The following CDKAL1 variants were observed in gnomAD, a reference collection of about 807,000 sequenced individuals.
CDKAL1 encodes CDKAL1 threonylcarbamoyladenosine tRNA methylthiotransferase.
A neutral mutation model predicts 68.2 loss-of-function variants in CDKAL1; 32 were observed. That is an observed-to-expected ratio of 0.47 (90% confidence interval 0.35 to 0.63). The LOEUF (loss-of-function observed/expected upper bound fraction) is 0.63. CDKAL1 is among the 30% of genes least tolerant of loss of function. The probability of loss-of-function intolerance (pLI) is 0.00; values close to 1 mark genes in which losing one functional copy is unlikely to be tolerated. For synonymous variants in CDKAL1, 234 were observed against 244.3 expected (o/e 0.96, Z 0.39); for missense variants, 606 against 696.7 (o/e 0.87, Z 1.47).
chr6:20,686,235 C>T (rs1288117153), intron 5 of CDKAL1, among the ~76,000 whole-genome samples: 4 of 152,132 alleles, frequency 2.6e-5, no homozygotes, highest in African/African-American at 4.8e-5. Context: ...TCCCCAACCC[C>T]TGGGCCATGA....
At chr6:20,789,932 AATGAATGTTG>A (rs1263510417) in intron 8 of CDKAL1, among the ~76,000 whole-genome samples, 1 of 152,186 alleles carries the variant, frequency 6.6e-6, no homozygotes, top group Non-Finnish European at 1.5e-5. Context: ...GAGCCCTGCA[AATGAATGTTG>A]ATTTGTTTTT....
chr6:21,045,537 G>A (rs114195129), intron 11 of CDKAL1, among the ~76,000 whole-genome samples: 1 of 152,158 alleles, frequency 6.6e-6, no homozygotes, highest in African/African-American at 2.4e-5. Context: ...GAAAATGTGC[G>A]TGATGAAATC....
intron 9 of CDKAL1, among the ~76,000 whole-genome samples, chr6:20,910,325 G>A (rs750817715): frequency 3.9e-5 from 6 of 152,212 alleles, no homozygotes; most frequent in Non-Finnish European, 7.3e-5. Flanking sequence ...AGAGCTCAGC[G>A]TGGCAATGCA....
At chr6:20,739,973 C>T (rs1773375058) in intron 6 of CDKAL1, among the ~76,000 whole-genome samples, 1 of 152,164 alleles carries the variant, frequency 6.6e-6, no homozygotes, top group Non-Finnish European at 1.5e-5. Context: ...TACATCAATG[C>T]CTTTTTTCAA....
At chr6:20,798,383 T>C (rs1389235190) in intron 8 of CDKAL1, among the ~76,000 whole-genome samples, 3 of 152,128 alleles carry the variant, frequency 2.0e-5, no homozygotes, top group African/African-American at 7.2e-5. Context: ...AAAATTATTC[T>C]GTGAAGAAAA....
intron 13 of CDKAL1, among the ~76,000 whole-genome samples, chr6:21,128,146 G>A (rs1775113816): frequency 1.3e-5 from 2 of 152,304 alleles, no homozygotes; most frequent in Middle Eastern, 6.8e-3. Context: ...TGTACTTGGA[G>A]TTTTAATATG....
rs56966992 is a variant in CDKAL1, at chr6:20,823,926, C to T, written c.639-22149C>T. Among the ~76,000 whole-genome samples, 1,151 of 152,134 alleles carry T rather than the reference C, an allele frequency of 7.6e-3. 22 individuals carry two copies. The highest frequency in any genetic ancestry group is 0.026 in the African/African-American group (1,077 of 41,514). On this transcript the variant is annotated intron_variant, in intron 8 of 15. Transcript: ENST00000274695. ...AAATAATAATAAAAGCAAGATACTT[C>T]GTGGCAAAGTTATCTCGGGGTGAAT...
chr6:20,605,393 A>G (rs570721651), intron 4 of CDKAL1, among the ~76,000 whole-genome samples: 1 of 152,296 alleles, frequency 6.6e-6, no homozygotes, highest in South Asian at 2.1e-4. Flanking sequence ...TGGGTACACT[A>G]ATAATGGTTA....
At chr6:20,625,817 A>C (rs1767404255) in intron 4 of CDKAL1, among the ~76,000 whole-genome samples, 1 of 152,174 alleles carries the variant, frequency 6.6e-6, no homozygotes, top group Non-Finnish European at 1.5e-5. Context: ...GTTATGTGAA[A>C]AAAAATGGCC....
At chr6:20,645,757 A>T (rs77136469) in intron 4 of CDKAL1, among the ~76,000 whole-genome samples, 30,781 of 127,516 alleles carry the variant, frequency 0.24, 3,456 homozygotes, top group African/African-American at 0.28. Context: ...AATAAATAAA[A>T]ATAAATAAAT....
At chr6:20,988,825 C>T (rs201347) in intron 10 of CDKAL1, among the ~76,000 whole-genome samples, 132,647 of 147,380 alleles carry the variant, frequency 0.9, 59,758 homozygotes, top group Middle Eastern at 0.94. Flanking sequence ...AATTTTTTTT[C>T]TTTTTTGTAT....
chr6:20,642,089 A>G (rs946053035), intron 4 of CDKAL1, among the ~76,000 whole-genome samples: 1 of 152,128 alleles, frequency 6.6e-6, no homozygotes, highest in Non-Finnish European at 1.5e-5. Context: ...TGCATTTTAA[A>G]ATTATGCGAG....
chr6:20,898,378 C>A (rs866539690), intron 9 of CDKAL1, among the ~76,000 whole-genome samples: 1 of 149,394 alleles, frequency 6.7e-6, no homozygotes, highest in Non-Finnish European at 1.5e-5. Flanking sequence ...ATTGTGTAGC[C>A]GTCTCCGGTT....
intron 10 of CDKAL1, among the ~76,000 whole-genome samples, chr6:20,970,203 C>A (rs561661235): frequency 3.3e-5 from 5 of 152,096 alleles, no homozygotes; most frequent in Non-Finnish European, 7.4e-5. Context: ...TCTATTATGC[C>A]CCCTCAAGTG....
intron 7 of CDKAL1, among the ~76,000 whole-genome samples, chr6:20,779,431 G>T (rs947783313): frequency 3.9e-5 from 6 of 152,124 alleles, no homozygotes; most frequent in African/African-American, 1.4e-4. Flanking sequence ...CCTATATTTG[G>T]TATGTGAATA....
At chr6:21,177,030 C>A (rs1168026778) in intron 13 of CDKAL1, among the ~76,000 whole-genome samples, 1 of 152,076 alleles carries the variant, frequency 6.6e-6, no homozygotes, top group Non-Finnish European at 1.5e-5. Context: ...TCCTCACAGC[C>A]CCCTAACTGT....
At chr6:21,130,348 C>T (rs776418232) in intron 13 of CDKAL1, among the ~76,000 whole-genome samples, 6 of 151,826 alleles carry the variant, frequency 4.0e-5, no homozygotes, top group Non-Finnish European at 7.4e-5. Flanking sequence ...CCTCAGCCTC[C>T]CGAGTAGCTG....
chr6:20,739,243 G>C (rs1197492753), intron 5 of CDKAL1, among the ~76,000 whole-genome samples: 2 of 151,824 alleles, frequency 1.3e-5, no homozygotes, highest in Non-Finnish European at 2.9e-5. Context: ...CATATCCTTG[G>C]GAATAAAGTA....
intron 13 of CDKAL1, among the ~76,000 whole-genome samples, chr6:21,180,353 T>TTC (rs2151085479): frequency 6.6e-6 from 1 of 152,094 alleles, no homozygotes; most frequent in East Asian, 1.9e-4. Flanking sequence ...TCTTTTTTTT[T>TTC]TTTTTTGACC....
Sources: allele counts gnomAD v4.1 joint callset (sites outside exome capture counted in the v4.1 genomes callset), GRCh38; gene constraint gnomAD v4.1.1; transcripts MANE v1.5; gene names NCBI Gene and HGNC (gene_info 2026-07-23, HGNC 2026-07-21).